Variants in ECT2L observed in about 807,000 individuals in gnomAD.
The protein encoded by ECT2L is epithelial cell-transforming sequence 2 oncogene-like.
A neutral mutation model predicts 122.8 loss-of-function variants in ECT2L; 126 were observed. The ratio of observed to expected loss-of-function variants is 1.03; its 90% CI spans 0.89 to 1.19. The LOEUF (loss-of-function observed/expected upper bound fraction) is 1.19. ECT2L is among the 50% of genes most tolerant of loss of function. The pLI is 0.00. For synonymous variants in ECT2L, 385 were observed against 381.8 expected, an observed-to-expected ratio of 1.01 and a Z score of -0.10; for missense variants, 1,012 against 1,064.1, an observed-to-expected ratio of 0.95 and a Z score of 0.68.
At chr6:138,883,637 C>A (rs1211973167) in intron 16 of ECT2L, among the ~76,000 whole-genome samples, 1 of 152,178 alleles carries the variant, frequency 6.6e-6, no homozygotes, top group African/African-American at 2.4e-5. Flanking sequence ...ATTCCTTCTA[C>A]CCCACCCAGG....
intron 12 of ECT2L, 72 bp from the exon 13 acceptor site, chr6:138,868,031 G>T: frequency 1.2e-6 from 1 of 837,908 alleles, no homozygotes; most frequent in South Asian, 1.8e-5. Context: ...AAACTGTGAG[G>T]ACTGAGTTGT....
chr6:138,849,360 C>T lies in ECT2L; in HGVS notation c.995C>T (p.Ala332Val). The stretch of plus-strand genomic sequence containing the variant: ...AGCCTTCTGTATCTTATAGAAAAAG[C>T]TCTGGATGGGCAGAAGGCACAGAGC... ...LESLLYLIEK[A>V]LDGQKAQSIG... Residue 332 changes from alanine (A) to valine (V), a missense_variant, in exon 9 of 22, where the codon GCT becomes GTT. Ala to Val is a moderately conservative substitution (Grantham distance 64, BLOSUM62 0). Coordinates refer to ENST00000541398, the MANE Select transcript of ECT2L (RefSeq NM_001077706.3). The T allele has an allele frequency of 1.2e-6, 2 of 1,613,888 alleles. No homozygotes were observed. The highest frequency in any genetic ancestry group is 1.7e-6 in the Non-Finnish European group (2 of 1,179,984).
At chr6:138,819,604 T>C (rs1332756039) in intron 4 of ECT2L, among the ~76,000 whole-genome samples, 1 of 152,224 alleles carries the variant, frequency 6.6e-6, no homozygotes, top group African/African-American at 2.4e-5. Context: ...AAATGCTTGT[T>C]GAATGAATTC....
At chr6:138,803,262 A>T (rs1413786796) in intron 1 of ECT2L, among the ~76,000 whole-genome samples, 1 of 151,844 alleles carries the variant, frequency 6.6e-6, no homozygotes, top group African/African-American at 2.4e-5. Context: ...CTCTAAAAAA[A>T]AAAAGGAAAG....
Position 138,849,250 on chromosome 6 carries a change from C to T in ECT2L, c.904-19C>T. 6.3e-7 allele frequency: 1 copy of T among 1,583,944 alleles called. No homozygotes were observed. Among genetic ancestry groups the T allele is most frequent in the Non-Finnish European group, 8.6e-7 (1 of 1,166,342 alleles). ...AAATAGTGGGTCTTGGCTCTTACAG[C>T]TTTGGTTTCATTCTCCAGATGGTGA... On this transcript the variant is annotated intron_variant, in intron 8 of 21. Coordinates refer to ENST00000541398, the MANE Select transcript of ECT2L (RefSeq NM_001077706.3).
At chr6:138,839,128 T>A (rs2128387421) in intron 5 of ECT2L, among the ~76,000 whole-genome samples, 1 of 152,294 alleles carries the variant, frequency 6.6e-6, no homozygotes, top group South Asian at 2.1e-4. Flanking sequence ...TTAGATTTTG[T>A]ATATTATCTC....
chr6:138,845,160 C>T (rs1464944362), intron 7 of ECT2L, among the ~76,000 whole-genome samples: 2 of 152,058 alleles, frequency 1.3e-5, no homozygotes, highest in African/African-American at 2.4e-5. Flanking sequence ...AGTGAAATTA[C>T]CAGAAATTCA....
intron 13 of ECT2L, 67 bp downstream of exon 13, chr6:138,868,273 T>G: frequency 7.0e-7 from 1 of 1,437,654 alleles, no homozygotes; most frequent in East Asian, 2.4e-5. Context: ...TTTGCAGTTA[T>G]TATTAATTTT....
At chr6:138,819,747 C>T (rs1408976885) in intron 4 of ECT2L, among the ~76,000 whole-genome samples, 5 of 151,946 alleles carry the variant, frequency 3.3e-5, no homozygotes, top group East Asian at 1.9e-4. Context: ...ATTAGCCGGG[C>T]GTGGTGGCGG....
chr6:138,886,735 CTATTA>C lies in ECT2L; in HGVS notation c.2260-119_2260-115del, dbSNP rs1038700030. ...ACCCGGCCCAGAAATTTGAAACTTTCTATTATAACATATGAAAATACCAAGCCCTG... is the reference window on the plus strand; with the variant it reads ...ACCCGGCCCAGAAATTTGAAACTTTCTAACATATGAAAATACCAAGCCCTG... On this transcript the variant is annotated intron_variant, in intron 18 of 21. Coordinates refer to ENST00000541398, the MANE Select transcript of ECT2L (RefSeq NM_001077706.3). 5.4e-6 allele frequency: 4 copies of C among 740,006 alleles called. No homozygotes were observed. In the African/African-American group the frequency reaches 7.1e-5, roughly 13 times the overall value. 45.8% of individuals were successfully genotyped at this position (740,006 alleles called of 1,614,324 possible). A position where few individuals can be genotyped will look rare whatever the true frequency, so the allele number is the denominator to read the frequency against.
At chr6:138,885,011 T>TA (rs749716728) in intron 16 of ECT2L, among the ~76,000 whole-genome samples, 1 of 150,508 alleles carries the variant, frequency 6.6e-6, no homozygotes, top group Non-Finnish European at 1.5e-5. Context: ...TATGTATAAT[T>TA]AACACACATT....
At chr6:138,801,791 G>A (rs1201258356) in intron 1 of ECT2L, among the ~76,000 whole-genome samples, 1 of 152,066 alleles carries the variant, frequency 6.6e-6, no homozygotes, top group Non-Finnish European at 1.5e-5. Flanking sequence ...CCAGTAAGTA[G>A]ATGAAGAAAA....
chr6:138,846,492 A>C, intron 7 of ECT2L, 47 bp from the exon 8 acceptor site: 1 of 1,529,852 alleles, frequency 6.5e-7, no homozygotes, highest in South Asian at 1.3e-5. Flanking sequence ...ACCAAAACTC[A>C]AGGTAAGAGA....
chr6:138,824,236 G>A (rs1297410573), intron 4 of ECT2L, among the ~76,000 whole-genome samples: 2 of 151,134 alleles, frequency 1.3e-5, no homozygotes, highest in Non-Finnish European at 3.0e-5. Context: ...TGGGTGAAGG[G>A]TACCCAGGAC....
At position 138,844,690 on chromosome 6, in the gene ECT2L, A is replaced by C. The variant is rs905055276; in HGVS notation, c.764+110A>C. 17 of 955,238 alleles carry C rather than the reference A, an allele frequency of 1.8e-5. No homozygotes were observed. In the African/African-American group the frequency reaches 2.5e-4, roughly 14 times the overall value. 59.2% of individuals were successfully genotyped at this position (955,238 alleles called of 1,614,324 possible). On this transcript the variant is annotated intron_variant, in intron 7 of 21. Transcript: ENST00000541398. ...AATCTTGTGTAATTCTGTGGCTCAT[A>C]TCCTATGAAATATCAGTAAAGATAA...
chr6:138,891,139 A>G (rs371459549), intron 20 of ECT2L, among the ~76,000 whole-genome samples: 5 of 152,334 alleles, frequency 3.3e-5, no homozygotes, highest in African/African-American at 1.2e-4. Flanking sequence ...ATTAACATTG[A>G]AACAGAGATC....
At chr6:138,854,635 T>C (rs546400618) in intron 10 of ECT2L, among the ~76,000 whole-genome samples, 1 of 152,310 alleles carries the variant, frequency 6.6e-6, no homozygotes, top group Non-Finnish European at 1.5e-5. Flanking sequence ...TTTAGAACAA[T>C]GGTACCTTAG....
chr6:138,818,461 C>T (rs1583553228), intron 4 of ECT2L, among the ~76,000 whole-genome samples: 2 of 152,278 alleles, frequency 1.3e-5, no homozygotes, highest in East Asian at 1.9e-4. Flanking sequence ...AGACAACATA[C>T]TCCTAGGTTA....
intron 4 of ECT2L, among the ~76,000 whole-genome samples, chr6:138,824,292 CAAAATAAAAGAAGTTA>C (rs1776356576): frequency 6.7e-6 from 1 of 150,338 alleles, no homozygotes; most frequent in African/African-American, 2.5e-5. Flanking sequence ...ATAATAATTT[CAAAATAAAAGAAGTTA>C]AAAAAAAACC....
Sources: allele counts gnomAD v4.1 joint callset (sites outside exome capture counted in the v4.1 genomes callset), GRCh38; gene constraint gnomAD v4.1.1; transcripts MANE v1.5; gene names NCBI Gene and HGNC (gene_info 2026-07-23, HGNC 2026-07-21).